Variants in CTNNA3 observed in about 807,000 individuals in gnomAD.
CTNNA3 encodes catenin alpha 3.
CTNNA3 carries 76 observed loss-of-function variants against 95.7 expected under a neutral mutation model. The ratio of observed to expected loss-of-function variants is 0.79; its 90% CI spans 0.66 to 0.96. The LOEUF is 0.96. CTNNA3 is among the 40% of genes least tolerant of loss of function. The pLI, the probability that CTNNA3 is intolerant of heterozygous loss-of-function variation, is 0.00. For missense variants in CTNNA3, 1,191 were observed against 1,089.8 expected (o/e 1.09, Z -1.31); for synonymous variants, 431 against 374.4 (o/e 1.15, Z -1.74).
At chr10:66,904,795 T>G (rs144863176) in intron 7 of CTNNA3, among the ~76,000 whole-genome samples, 353 of 152,238 alleles carry the variant, frequency 2.3e-3, no homozygotes, top group African/African-American at 7.9e-3. Flanking sequence ...GGTCATCAGA[T>G]AAATGCAAAT....
intron 15 of CTNNA3, among the ~76,000 whole-genome samples, chr10:66,025,635 G>T (rs968464996): frequency 6.6e-6 from 1 of 152,080 alleles, no homozygotes; most frequent in Non-Finnish European, 1.5e-5. Flanking sequence ...ACCCTAAGCA[G>T]CAAGTTCAAC....
chr10:66,242,095 T>C (rs528929400), intron 13 of CTNNA3, among the ~76,000 whole-genome samples: 13 of 152,256 alleles, frequency 8.5e-5, no homozygotes, highest in African/African-American at 2.6e-4. Context: ...TCAGCCCCCC[T>C]GCCATGTGAT....
chr10:66,919,759 T>A (rs902064340), intron 7 of CTNNA3, among the ~76,000 whole-genome samples: 1 of 152,206 alleles, frequency 6.6e-6, no homozygotes, highest in Non-Finnish European at 1.5e-5. Flanking sequence ...GAAGTGTTAA[T>A]GCTCTGATGA....
Position 66,379,344 on chromosome 10 carries a change from T to C in CTNNA3, c.1540A>G (p.Ile514Val). ...DDFLAVSESH[I>V]LEDVNKCIIA... ...ATACACTTGTTGACATCTTCCAAGA[T>C]ATGGCTTTCTGTAAGTAAATGAATC... Residue 514 changes from isoleucine to valine, a missense_variant, in exon 12 of 18, where the codon ATC (isoleucine) becomes GTC (valine). By Grantham distance (29) the Ile-to-Val change is conservative (BLOSUM62 3). Coordinates refer to ENST00000433211, the MANE Select transcript of CTNNA3 (RefSeq NM_013266.4). 4 of 1,613,836 alleles carry C rather than the reference T, an allele frequency of 2.5e-6. No homozygotes were observed. The highest frequency in any genetic ancestry group is 2.5e-6 in the Non-Finnish European group (3 of 1,179,702).
In CTNNA3 at chr10:66,308,072, T is replaced by C. The variant is rs184195825; in HGVS notation, c.1733-27451A>G. Among the ~76,000 whole-genome samples, 14 of 152,342 alleles carry C rather than the reference T, an allele frequency of 9.2e-5. 1 individual carries two copies. Among genetic ancestry groups the C allele is most frequent in the Admixed American group, 9.1e-4 (14 of 15,308 alleles). Reference sequence around the variant, plus strand: ...AAGCATCATGTCTAAAACACATCTTTGTTTATACTGTAGGTGGCAGGATTT... The same window carrying C: ...AAGCATCATGTCTAAAACACATCTTCGTTTATACTGTAGGTGGCAGGATTT... On this transcript the variant is annotated intron_variant, in intron 12 of 17. Transcript: ENST00000433211.
intron 13 of CTNNA3, among the ~76,000 whole-genome samples, chr10:66,245,404 T>C (rs1023876524): frequency 5.9e-5 from 9 of 152,152 alleles, no homozygotes; most frequent in Non-Finnish European, 1.2e-4. Flanking sequence ...TCCTGCAACA[T>C]GGCAAACAAG....
chr10:66,841,562 A>T (rs1843066924), intron 7 of CTNNA3, among the ~76,000 whole-genome samples: 1 of 152,206 alleles, frequency 6.6e-6, no homozygotes, highest in African/African-American at 2.4e-5. Context: ...GATTACAATA[A>T]AAATAGCATT....
At position 65,916,280 on chromosome 10, in the gene CTNNA3, T is replaced by A. The variant is rs192360056; in HGVS notation, c.*4050A>T. 1.0e-3 allele frequency: 155 copies of A among 152,232 alleles called. No homozygotes were observed. Among genetic ancestry groups the A allele is most frequent in the African/African-American group, 3.5e-3 (147 of 41,564 alleles). 9.4% of individuals were successfully genotyped at this position (152,232 alleles called of 1,614,324 possible). On this transcript the variant is annotated 3_prime_UTR_variant, in exon 18 of 18. Coordinates refer to ENST00000433211, the MANE Select transcript of CTNNA3 (RefSeq NM_013266.4). ...TTTACAAACAGAAAAAATGAATATTTGATTCCTAAATATACAATAGGCAGG... is the reference window on the plus strand; with the variant it reads ...TTTACAAACAGAAAAAATGAATATTAGATTCCTAAATATACAATAGGCAGG...
chr10:66,591,127 A>C (rs771234294), intron 10 of CTNNA3, among the ~76,000 whole-genome samples: 2 of 152,178 alleles, frequency 1.3e-5, no homozygotes, highest in African/African-American at 4.8e-5. Flanking sequence ...CATCTGTATC[A>C]TTTTAAGAAC....
intron 10 of CTNNA3, among the ~76,000 whole-genome samples, chr10:66,568,116 CAGA>C (rs1842767518): frequency 6.6e-6 from 1 of 152,098 alleles, no homozygotes; most frequent in South Asian, 2.1e-4. Flanking sequence ...TAGCTTCTAA[CAGA>C]AGAACAGACA....
chr10:66,803,530 CAT>C (rs1385931697), intron 7 of CTNNA3, among the ~76,000 whole-genome samples: 1 of 151,588 alleles, frequency 6.6e-6, no homozygotes, highest in Non-Finnish European at 1.5e-5. Context: ...TGTCTCTCAC[CAT>C]ATATAGTCCT....
intron 10 of CTNNA3, among the ~76,000 whole-genome samples, chr10:66,532,334 T>C (rs150611409): frequency 0.021 from 3,129 of 151,992 alleles, 113 homozygotes; most frequent in African/African-American, 0.071. Context: ...TGGTGGTAGG[T>C]GCCTGAAGTC....
intron 2 of CTNNA3, among the ~76,000 whole-genome samples, chr10:67,612,917 G>C (rs73268181): frequency 0.088 from 13,359 of 152,162 alleles, 1,361 homozygotes; most frequent in African/African-American, 0.25. Context: ...TTCATGAAGC[G>C]TCTTCTGAGA....
intron 9 of CTNNA3, among the ~76,000 whole-genome samples, chr10:66,743,257 T>C (rs1307387339): frequency 1.3e-5 from 2 of 152,156 alleles, no homozygotes; most frequent in African/African-American, 4.8e-5. Flanking sequence ...CAGGCATCAT[T>C]GTATCCATGT....
chr10:67,539,733 T>A lies in CTNNA3; in HGVS notation c.293-64A>T, dbSNP rs1317253868. 4 of 1,440,642 alleles carry A rather than the reference T, an allele frequency of 2.8e-6. No homozygotes were observed. In the African/African-American group the frequency reaches 4.2e-5, roughly 15 times the overall value. The allele number at this position is 1,440,642 out of a possible 1,614,324, so 89.2% of individuals were successfully genotyped here. The stretch of plus-strand genomic sequence containing the variant: ...TCAACTATGCCTATTTCAGGATTTA[T>A]CAGCTAACCTAATTCCAAGTAAATT... On this transcript the variant is annotated intron_variant, in intron 3 of 17. Transcript: ENST00000433211.
chr10:66,024,232 G>C (rs1258044319), intron 15 of CTNNA3, among the ~76,000 whole-genome samples: 1 of 151,960 alleles, frequency 6.6e-6, no homozygotes, highest in African/African-American at 2.4e-5. Flanking sequence ...TGGGACTACA[G>C]GCGACCGCCA....
At chr10:66,522,596 G>C (rs978641841) in intron 10 of CTNNA3, among the ~76,000 whole-genome samples, 1 of 151,924 alleles carries the variant, frequency 6.6e-6, no homozygotes, top group African/African-American at 2.4e-5. Flanking sequence ...ATGGTTGTGA[G>C]TTTTCTGAGG....
intron 2 of CTNNA3, among the ~76,000 whole-genome samples, chr10:67,608,955 TG>T (rs1843365413): frequency 6.6e-6 from 1 of 151,946 alleles, no homozygotes; most frequent in Admixed American, 6.6e-5. Context: ...CCGGGCATGG[TG>T]GCGCATGCCT....
intron 13 of CTNNA3, among the ~76,000 whole-genome samples, chr10:66,197,376 A>G (rs2087034709): frequency 6.7e-6 from 1 of 149,924 alleles, no homozygotes; most frequent in Admixed American, 6.7e-5. Context: ...CTATCTATCT[A>G]TCTATCATCT....
Sources: gnomAD v4.1 joint callset for allele counts (sites outside exome capture counted in the v4.1 genomes callset) on GRCh38, gnomAD v4.1.1 for gene constraint, MANE v1.5 for transcripts, NCBI Gene and HGNC (gene_info 2026-07-23, HGNC 2026-07-21) for gene names.